Variants in COP1 observed in about 807,000 individuals in gnomAD.
The protein encoded by COP1 is COP1 E3 ubiquitin ligase, also known as E3 ubiquitin-protein ligase COP1.
A neutral mutation model predicts 101.3 loss-of-function variants in COP1; 24 were observed. That is an observed-to-expected ratio of 0.24 (90% CI 0.17 to 0.33). COP1 has a LOEUF of 0.33. COP1 is among the 10% of genes least tolerant of loss of function. The pLI is 1.00. For missense variants in COP1, 663 were observed against 906.2 expected, an observed-to-expected ratio of 0.73 and a Z score of 3.45; for synonymous variants, 347 against 341.9, an observed-to-expected ratio of 1.01 and a Z score of -0.17.
At chr1:176,008,064 C>G (rs879499231) in intron 15 of COP1, among the ~76,000 whole-genome samples, 1 of 152,154 alleles carries the variant, frequency 6.6e-6, no homozygotes, top group Non-Finnish European at 1.5e-5. Context: ...TTTTTTAAGC[C>G]GGTCGGAAAA....
At chr1:175,993,097 G>A (rs1013426881) in intron 15 of COP1, among the ~76,000 whole-genome samples, 16 of 152,176 alleles carry the variant, frequency 1.1e-4, no homozygotes, top group Non-Finnish European at 2.2e-4. Context: ...AAAAGCCGCT[G>A]TTCTGCAGCC....
intron 18 of COP1, among the ~76,000 whole-genome samples, chr1:175,948,045 G>C (rs1324475231): frequency 6.6e-6 from 1 of 152,120 alleles, no homozygotes; most frequent in African/African-American, 2.4e-5. Flanking sequence ...TTGGGAAAAA[G>C]GACTATCTTT....
rs71129541 is a variant in COP1 at position 176,035,710 on chromosome 1, C to CA, written c.1612+7475dup. ...TGTCTCATAATCAATAAAACGAGAC[C>CA]AAAAAAAAAAAAAAAAAAAAAACGC... is the stretch of plus-strand genomic sequence containing the variant. On this transcript the variant is annotated intron_variant, in intron 14 of 19. Coordinates refer to ENST00000367669, the MANE Select transcript of COP1 (RefSeq NM_022457.7). 6.4e-3 allele frequency among the ~76,000 whole-genome samples: 469 copies of CA among 72,928 alleles called. 8 individuals are homozygous for CA. The highest frequency in any genetic ancestry group is 0.021 in the African/African-American group (301 of 14,120). The allele number at this position is 72,928 out of a possible 152,430, so 47.8% of individuals were successfully genotyped here.
chr1:176,165,404 G>A (rs1244703192), intron 3 of COP1, among the ~76,000 whole-genome samples: 1 of 147,738 alleles, frequency 6.8e-6, no homozygotes, highest in Non-Finnish European at 1.5e-5. Context: ...GTGTGTGTGT[G>A]TGTAGGAGAT....
intron 11 of COP1, among the ~76,000 whole-genome samples, chr1:176,068,830 T>C (rs1246032068): frequency 6.6e-6 from 1 of 152,224 alleles, no homozygotes; most frequent in Non-Finnish European, 1.5e-5. Flanking sequence ...CCAGAGGAAA[T>C]GCAAAATGCC....
At chr1:176,203,919 C>A (rs1700563164) in intron 1 of COP1, among the ~76,000 whole-genome samples, 1 of 152,132 alleles carries the variant, frequency 6.6e-6, no homozygotes, top group African/African-American at 2.4e-5. Context: ...GGAGCATATG[C>A]AAATTACACC....
chr1:175,972,447 T>C (rs1331668236), intron 18 of COP1, among the ~76,000 whole-genome samples: 1 of 150,216 alleles, frequency 6.7e-6, no homozygotes, highest in Admixed American at 6.6e-5. Context: ...AGCAGCAATA[T>C]ACAAAATACA....
chr1:176,071,240 TG>T (rs1278670668), intron 11 of COP1, among the ~76,000 whole-genome samples: 1 of 152,042 alleles, frequency 6.6e-6, no homozygotes, highest in Non-Finnish European at 1.5e-5. Flanking sequence ...CTCTCTCACT[TG>T]CCCCTCCTTT....
At position 176,043,231 on chromosome 1, in the gene COP1, A is replaced by C. The variant is rs1051204024; in HGVS notation, c.1567T>G (p.Leu523Val). 3.1e-6 allele frequency: 5 copies of C among 1,613,332 alleles called. No homozygotes were observed. The highest frequency in any genetic ancestry group is 4.2e-6 in the Non-Finnish European group (5 of 1,179,426). The change falls in exon 14 of 20, where the codon TTG becomes GTG. Residue 523 changes from leucine (L) to valine (V), a missense_variant. Leu to Val is a conservative substitution (Grantham distance 32). Around this residue, in one of 4 missense-constraint regions of COP1, gnomAD observed 209 missense variants for 383.3 expected, o/e 0.55. Transcript: ENST00000367669. ...EKRCWSVDFN[L>V]MDPKLLASGS... ...GAAGCCAAGAGTTTAGGATCCATCAAATTAAAGTCAACACTCCAACACCTC... is the reference window on the plus strand; with the variant it reads ...GAAGCCAAGAGTTTAGGATCCATCACATTAAAGTCAACACTCCAACACCTC...
chr1:176,035,424 C>T (rs567748029), intron 14 of COP1, among the ~76,000 whole-genome samples: 1 of 151,258 alleles, frequency 6.6e-6, no homozygotes, highest in Admixed American at 6.6e-5. Context: ...GGGTCTAATA[C>T]ACTAACATAA....
intron 18 of COP1, among the ~76,000 whole-genome samples, chr1:175,979,367 T>C (rs1655277076): frequency 6.6e-6 from 1 of 152,130 alleles, no homozygotes; most frequent in Non-Finnish European, 1.5e-5. Flanking sequence ...CAGTATTGCA[T>C]GGCTTCTCAA....
intron 2 of COP1, among the ~76,000 whole-genome samples, chr1:176,178,632 A>G (rs1572705786): frequency 6.6e-6 from 1 of 152,212 alleles, no homozygotes; most frequent in Non-Finnish European, 1.5e-5. Flanking sequence ...CCGGCAGATC[A>G]CCTGAGGTCA....
chr1:175,997,502 G>C (rs1660472501), intron 15 of COP1, among the ~76,000 whole-genome samples: 1 of 152,038 alleles, frequency 6.6e-6, no homozygotes, highest in Non-Finnish European at 1.5e-5. Context: ...CTACTCATCT[G>C]ACAAAGGGCT....
intron 18 of COP1, among the ~76,000 whole-genome samples, chr1:175,964,400 T>TA (rs1651750670): frequency 7.2e-6 from 1 of 138,822 alleles, no homozygotes; most frequent in Non-Finnish European, 1.6e-5. Context: ...CAAAGGAAGG[T>TA]AAGTTCCTTG....
intron 18 of COP1, among the ~76,000 whole-genome samples, chr1:175,980,937 CA>C (rs2148679749): frequency 6.6e-6 from 1 of 152,254 alleles, no homozygotes; most frequent in Non-Finnish European, 1.5e-5. Flanking sequence ...CAGGCATCAT[CA>C]CATAGGAACA....
chr1:176,166,684 C>T (rs1332761599), intron 3 of COP1, among the ~76,000 whole-genome samples: 1 of 152,102 alleles, frequency 6.6e-6, no homozygotes, highest in African/African-American at 2.4e-5. Context: ...TGCCTATAAT[C>T]CCATTATTTA....
chr1:176,174,917 G>A (rs931667830), intron 3 of COP1, among the ~76,000 whole-genome samples: 2 of 151,960 alleles, frequency 1.3e-5, no homozygotes, highest in African/African-American at 4.8e-5. Flanking sequence ...AATATCTTAG[G>A]GTAGTTAACA....
chr1:176,023,075 A>G (rs957353627), intron 15 of COP1, among the ~76,000 whole-genome samples: 8 of 152,186 alleles, frequency 5.3e-5, no homozygotes, highest in African/African-American at 1.9e-4. Flanking sequence ...CCGTGATTAC[A>G]GTAATGGCAT....
intron 15 of COP1, among the ~76,000 whole-genome samples, chr1:175,991,222 T>C (rs1225700843): frequency 2.0e-5 from 3 of 152,194 alleles, no homozygotes; most frequent in Admixed American, 6.5e-5. Context: ...CTAGATGGTA[T>C]AGACTACTAC....
Sources: gnomAD v4.1 joint callset for allele counts (sites outside exome capture counted in the v4.1 genomes callset) on GRCh38, gnomAD v4.1.1 for gene constraint, gnomAD v4.1.1 regional missense constraint, MANE v1.5 for transcripts, NCBI Gene and HGNC (gene_info 2026-07-23, HGNC 2026-07-21) for gene names.